Variants in FYB2 observed in about 807,000 individuals in gnomAD.
The protein encoded by FYB2 is FYN-binding protein 2.
FYB2 carries 103 observed loss-of-function variants against 94.1 expected under a neutral mutation model. That is an observed-to-expected ratio of 1.09 (90% CI 0.93 to 1.29). The LOEUF is 1.29. Ranked by LOEUF, FYB2 falls within the 50% of genes most tolerant of loss-of-function variation. The probability of loss-of-function intolerance (pLI) is 0.00; values close to 1 mark genes in which losing one functional copy is unlikely to be tolerated. For missense variants in FYB2, 896 were observed against 841.5 expected (o/e 1.06, Z -0.80); for synonymous variants, 293 against 287.9 (o/e 1.02, Z -0.18).
chr1:56,721,904 C>G (rs12407205), intron 17 of FYB2, among the ~76,000 whole-genome samples: 2 of 151,880 alleles, frequency 1.3e-5, no homozygotes, highest in African/African-American at 4.8e-5. Context: ...CATCTTTGTA[C>G]CCCCAGTGCC....
At chr1:56,802,948 G>T (rs747185533) in intron 1 of FYB2, among the ~76,000 whole-genome samples, 2 of 152,126 alleles carry the variant, frequency 1.3e-5, no homozygotes, top group Non-Finnish European at 2.9e-5. Context: ...TTGTGTGTTA[G>T]CAGCCTCTCT....
At chr1:56,757,865 G>A (rs1415295768) in intron 6 of FYB2, among the ~76,000 whole-genome samples, 1 of 150,478 alleles carries the variant, frequency 6.6e-6, no homozygotes, top group South Asian at 2.1e-4. Context: ...CACCTCCTGG[G>A]CTTAAACGGT....
chr1:56,771,947 T>C (rs1171002792), intron 4 of FYB2, among the ~76,000 whole-genome samples: 1 of 147,592 alleles, frequency 6.8e-6, no homozygotes, highest in East Asian at 1.9e-4. Context: ...TTCTAGAAAA[T>C]ATTTTGCATA....
At chr1:56,822,025 T>C (rs939990878), upstream of FYB2, among the ~76,000 whole-genome samples, 9 of 152,336 alleles carry the variant, frequency 5.9e-5, no homozygotes, top group African/African-American at 1.9e-4. Context: ...TCCTGCTAGC[T>C]TTAGGCCAGG....
chr1:56,793,073 G>A (rs763553044), intron 1 of FYB2, among the ~76,000 whole-genome samples: 2 of 152,024 alleles, frequency 1.3e-5, no homozygotes, highest in Non-Finnish European at 2.9e-5. Flanking sequence ...AGCACATAAA[G>A]AACACCTATA....
intron 1 of FYB2, among the ~76,000 whole-genome samples, chr1:56,797,980 G>T (rs1015337702): frequency 6.6e-6 from 1 of 152,070 alleles, no homozygotes; most frequent in Admixed American, 6.6e-5. Context: ...ATAAAAATGC[G>T]GTGAAGGAAT....
intron 8 of FYB2, 112 bp downstream of exon 8, chr1:56,753,727 A>G (rs1645256603): frequency 4.4e-6 from 3 of 687,998 alleles, no homozygotes; most frequent in Non-Finnish European, 2.5e-6. Context: ...TCAAATGCCC[A>G]TTGCCTTTTC....
In FYB2 at chr1:56,751,173, T is replaced by G; in HGVS notation, c.1258A>C (p.Ile420Leu). 1 of 1,612,626 alleles carries G rather than the reference T, an allele frequency of 6.2e-7. No individual in the cohort carries two copies. The highest frequency in any genetic ancestry group is 8.5e-7 in the Non-Finnish European group (1 of 1,179,134). The change falls in exon 9 of 20, where the codon ATT (isoleucine) becomes CTT (leucine). Residue 420 changes from isoleucine (I) to leucine (L), a missense_variant. Physicochemically the swap from Ile to Leu is conservative, Grantham distance 5 (BLOSUM62 2). Coordinates refer to ENST00000343433, the MANE Select transcript of FYB2 (RefSeq NM_001004303.5). ...VDACEGTPEK[I>L]QMTNVHTGRR... ...CCTGTGTGGACGTTGGTCATCTGAA[T>G]TTTTTCAGGTGTCCCTTCACAGGCA...
At chr1:56,742,596 A>G (rs1644980429) in intron 11 of FYB2, among the ~76,000 whole-genome samples, 1 of 152,108 alleles carries the variant, frequency 6.6e-6, no homozygotes. Context: ...AACCATGGAA[A>G]ATGAGATATA....
chr1:56,791,365 T>C (rs1646261099), intron 2 of FYB2, among the ~76,000 whole-genome samples: 1 of 151,948 alleles, frequency 6.6e-6, no homozygotes, highest in African/African-American at 2.4e-5. Flanking sequence ...AAGCAATTCT[T>C]GTGTCTCAGC....
At chr1:56,819,133 G>C in intron 1 of FYB2, 149 bp downstream of exon 1, 1 of 559,886 alleles carries the variant, frequency 1.8e-6, no homozygotes, top group Non-Finnish European at 3.1e-6. Flanking sequence ...AGTGTGAGCA[G>C]AAATGCACTG....
chr1:56,822,244 G>C (rs1394286153), upstream of FYB2, among the ~76,000 whole-genome samples: 1 of 152,214 alleles, frequency 6.6e-6, no homozygotes, highest in Admixed American at 6.5e-5. Flanking sequence ...ACCAGTGGAA[G>C]ATCAGAGACT....
chr1:56,802,593 C>G (rs1646547228), intron 1 of FYB2, among the ~76,000 whole-genome samples: 1 of 152,078 alleles, frequency 6.6e-6, no homozygotes, highest in Non-Finnish European at 1.5e-5. Flanking sequence ...ATTGGAGCAG[C>G]TAGAGTAAAA....
chr1:56,776,798 T>C (rs933077809), intron 4 of FYB2, among the ~76,000 whole-genome samples: 4 of 152,132 alleles, frequency 2.6e-5, no homozygotes, highest in Non-Finnish European at 5.9e-5. Context: ...AACACTGCTA[T>C]TACAAACAAA....
At position 56,781,659 on chromosome 1, in the gene FYB2, A is replaced by G. The variant is rs528812016; in HGVS notation, c.953+5516T>C. On this transcript the variant is annotated intron_variant, in intron 4 of 19. Coordinates refer to ENST00000343433, the MANE Select transcript of FYB2 (RefSeq NM_001004303.5). ...TTTTCCCATGAAATTTATTATTTAT[A>G]CAGCATCCAGAATGATCTTTACAAA... Among the ~76,000 whole-genome samples the G allele has an allele frequency of 2.0e-5, 3 of 152,322 alleles. No individual in the cohort carries two copies. The East Asian group carries it at 5.8e-4, about 29-fold the overall frequency.
upstream of FYB2, among the ~76,000 whole-genome samples, chr1:56,820,992 T>G (rs1305721302): frequency 6.6e-6 from 1 of 152,218 alleles, no homozygotes; most frequent in East Asian, 1.9e-4. Context: ...AACACTGCTG[T>G]GTAGACTCTG....
At chr1:56,820,789 C>T (rs546685288), upstream of FYB2, among the ~76,000 whole-genome samples, 1 of 152,318 alleles carries the variant, frequency 6.6e-6, no homozygotes, top group African/African-American at 2.4e-5. Flanking sequence ...ATGAATGACT[C>T]ACAGTAAGAT....
At chr1:56,742,086 C>T in intron 12 of FYB2, 75 bp downstream of exon 12, 2 of 1,335,322 alleles carry the variant, frequency 1.5e-6, no homozygotes, top group Non-Finnish European at 1.1e-6. Flanking sequence ...GATGGTGGGT[C>T]CTCACTGAAA....
chr1:56,758,167 T>TA (rs1252559309), intron 6 of FYB2, among the ~76,000 whole-genome samples: 146 of 152,108 alleles, frequency 9.6e-4, no homozygotes, highest in Non-Finnish European at 1.8e-3. Flanking sequence ...CTGTATACCT[T>TA]CATTTATCTT....
Sources: allele counts gnomAD v4.1 joint callset (sites outside exome capture counted in the v4.1 genomes callset), GRCh38; gene constraint gnomAD v4.1.1; transcripts MANE v1.5; gene names NCBI Gene and HGNC (gene_info 2026-07-23, HGNC 2026-07-21).